BBOX1: variants seen among roughly 807,000 people sequenced by gnomAD.
BBOX1 encodes gamma-butyrobetaine dioxygenase.
In BBOX1, 35 loss-of-function variants were observed where a neutral mutation model predicts 41.6. That is an observed-to-expected ratio of 0.84 (90% CI 0.64 to 1.11). The LOEUF is 1.11. BBOX1 is among the 50% of genes most tolerant of loss of function. The pLI is 0.00. For missense variants in BBOX1, 458 were observed against 460.6 expected, an observed-to-expected ratio of 0.99 and a Z score of 0.05; for synonymous variants, 163 against 154.7, an observed-to-expected ratio of 1.05 and a Z score of -0.40.
At position 27,093,113 on chromosome 11, in the gene BBOX1, T is replaced by C. The variant is rs142179478; in HGVS notation, c.335-55T>C. The C allele has an allele frequency of 3.3e-6, 5 of 1,526,664 alleles. No individual in the cohort carries two copies. The African/African-American group carries it at 5.5e-5, about 17-fold the overall frequency. The allele number at this position is 1,526,664 out of a possible 1,614,324, so 94.6% of individuals were successfully genotyped here. On this transcript the variant is annotated intron_variant, in intron 4 of 8. Transcript: ENST00000263182. The stretch of plus-strand genomic sequence containing the variant: ...ACTAGCCCCTTCTCTGAGGTTATCG[T>C]CTTATGTAAAAAGAATGTAATCCCA...
chr11:27,081,390 C>CT, intron 4 of BBOX1, among the ~76,000 whole-genome samples: 1 of 152,164 alleles, frequency 6.6e-6, no homozygotes, highest in South Asian at 2.1e-4. Flanking sequence ...TGAACTCATC[C>CT]TTTTTTATGG....
chr11:27,066,866 T>C (rs1229662236), intron 4 of BBOX1, among the ~76,000 whole-genome samples: 1 of 152,166 alleles, frequency 6.6e-6, no homozygotes, highest in Non-Finnish European at 1.5e-5. Context: ...CATCTCCTTT[T>C]TCTTTCTTTT....
chr11:27,096,983 TA>T (rs1195267976), intron 5 of BBOX1, among the ~76,000 whole-genome samples: 1 of 152,030 alleles, frequency 6.6e-6, no homozygotes, highest in African/African-American at 2.4e-5. Context: ...ATCTAGACAA[TA>T]TTTTTTTATG....
chr11:27,088,936 G>T (rs1357532753), intron 4 of BBOX1, among the ~76,000 whole-genome samples: 5 of 151,872 alleles, frequency 3.3e-5, no homozygotes, highest in Non-Finnish European at 5.9e-5. Flanking sequence ...TGATACTATG[G>T]ATCTTCTATG....
chr11:27,085,310 A>G (rs1206409079), intron 4 of BBOX1, among the ~76,000 whole-genome samples: 1 of 152,190 alleles, frequency 6.6e-6, no homozygotes, highest in Non-Finnish European at 1.5e-5. Context: ...ACACGCAAGC[A>G]AGTCTATCAG....
In BBOX1 at chr11:27,057,810, A is replaced by G. The variant is rs201896828; in HGVS notation, c.334+495A>G. 8.1e-5 allele frequency among the ~76,000 whole-genome samples: 12 copies of G among 147,462 alleles called. No individual in the cohort carries two copies. In the South Asian group the frequency reaches 2.6e-3, roughly 32 times the overall value. ...AGTGTGGGACAATTTGTGTGTGTGC[A>G]TGTACACACACATGCACACAAAGCC... On this transcript the variant is annotated intron_variant, in intron 4 of 8. Coordinates refer to ENST00000263182, the MANE Select transcript of BBOX1 (RefSeq NM_003986.3).
intron 5 of BBOX1, among the ~76,000 whole-genome samples, chr11:27,105,815 G>GA (rs560835612): frequency 6.6e-6 from 1 of 152,026 alleles, no homozygotes; most frequent in Non-Finnish European, 1.5e-5. Context: ...TGAAATGAAG[G>GA]AAAAAATGTT....
At chr11:27,117,831 C>A (rs1383352031) in intron 6 of BBOX1, among the ~76,000 whole-genome samples, 2 of 151,816 alleles carry the variant, frequency 1.3e-5, no homozygotes, top group African/African-American at 4.8e-5. Context: ...TCTTGACATT[C>A]CTTTAAGGTA....
chr11:27,043,778 CT>C (rs200518899), intron 2 of BBOX1, among the ~76,000 whole-genome samples: 18,069 of 152,112 alleles, frequency 0.12, 1,577 homozygotes, highest in African/African-American at 0.24. Context: ...TGAACTCATC[CT>C]TTTTTATGGC....
chr11:27,100,852 C>T (rs905247045), intron 5 of BBOX1, among the ~76,000 whole-genome samples: 3 of 151,972 alleles, frequency 2.0e-5, no homozygotes, highest in African/African-American at 7.2e-5. Context: ...GACACCCCAC[C>T]CCACCCCCAG....
At chr11:27,059,550 C>T (rs1857079417) in intron 4 of BBOX1, among the ~76,000 whole-genome samples, 2 of 152,110 alleles carry the variant, frequency 1.3e-5, no homozygotes, top group Admixed American at 6.5e-5. Context: ...GTCCTGCAGA[C>T]TCCATAATGG....
intron 5 of BBOX1, among the ~76,000 whole-genome samples, chr11:27,109,452 C>T (rs1353865649): frequency 6.6e-6 from 1 of 151,898 alleles, no homozygotes; most frequent in South Asian, 2.1e-4. Flanking sequence ...CCGTTTGAAC[C>T]TAAAGACCAA....
intron 7 of BBOX1, among the ~76,000 whole-genome samples, chr11:27,122,718 T>C (rs1859510748): frequency 6.6e-6 from 1 of 152,020 alleles, no homozygotes; most frequent in African/African-American, 2.4e-5. Context: ...CAATGAGACA[T>C]AATGCTGTCA....
chr11:27,092,533 G>A (rs930817267), intron 4 of BBOX1, among the ~76,000 whole-genome samples: 1 of 151,902 alleles, frequency 6.6e-6, no homozygotes, highest in Non-Finnish European at 1.5e-5. Context: ...TAATCATGAA[G>A]AATGAGAGAG....
At chr11:27,119,211 T>C (rs1416930633) in intron 6 of BBOX1, among the ~76,000 whole-genome samples, 2 of 152,054 alleles carry the variant, frequency 1.3e-5, no homozygotes, top group Non-Finnish European at 2.9e-5. Flanking sequence ...CCTGATTTGC[T>C]TTCTCGTTCT....
At chr11:27,126,959 C>T (rs1397098027) in intron 8 of BBOX1, among the ~76,000 whole-genome samples, 1 of 152,134 alleles carries the variant, frequency 6.6e-6, no homozygotes, top group Non-Finnish European at 1.5e-5. Context: ...CAGGCGTGAG[C>T]CACCGCGCCC....
At chr11:27,121,977 C>T (rs1482139952) in intron 7 of BBOX1, among the ~76,000 whole-genome samples, 2 of 152,012 alleles carry the variant, frequency 1.3e-5, no homozygotes, top group Admixed American at 1.3e-4. Flanking sequence ...TCAGGAATAG[C>T]CCCTAGAGAA....
At chr11:27,076,562 G>A (rs1027532517) in intron 4 of BBOX1, among the ~76,000 whole-genome samples, 9 of 152,170 alleles carry the variant, frequency 5.9e-5, no homozygotes, top group Non-Finnish European at 1.2e-4. Context: ...GTAGCAGTGG[G>A]ATTTGTGCTT....
chr11:27,051,258 T>C lies in BBOX1; in HGVS notation c.-38-4135T>C, dbSNP rs1851661095. On this transcript the variant is annotated intron_variant, in intron 2 of 8. Coordinates refer to ENST00000263182, the MANE Select transcript of BBOX1 (RefSeq NM_003986.3). The stretch of plus-strand genomic sequence containing the variant: ...CTAGTATTTTGTTAAAGATTTTGCA[T>C]CTATGTTTACCAGGAATATTGGTCT... Among the ~76,000 whole-genome samples, 3 of 152,186 alleles carry C rather than the reference T, an allele frequency of 2.0e-5. No homozygotes were observed. The South Asian group carries it at 6.2e-4, about 32-fold the overall frequency.
Sources: allele counts gnomAD v4.1 joint callset (sites outside exome capture counted in the v4.1 genomes callset), GRCh38; gene constraint gnomAD v4.1.1; transcripts MANE v1.5; gene names NCBI Gene and HGNC (gene_info 2026-07-23, HGNC 2026-07-21).